Variants in LIMK2 observed in about 807,000 individuals in gnomAD.
The protein encoded by LIMK2 is LIM domain kinase 2.
In LIMK2, 35 loss-of-function variants were observed where a neutral mutation model predicts 75.7. The ratio of observed to expected loss-of-function variants is 0.46; its 90% CI spans 0.35 to 0.61. The LOEUF (loss-of-function observed/expected upper bound fraction) is 0.61. Among genes scored for constraint, LIMK2 ranks in the 20% least tolerant of loss-of-function variants. LIMK2 has a pLI of 0.00. For missense variants in LIMK2, 623 were observed against 831.0 expected (o/e 0.75, Z 3.08); for synonymous variants, 301 against 319.2 (o/e 0.94, Z 0.61).
intron 2 of LIMK2, among the ~76,000 whole-genome samples, chr22:31,227,936 A>G (rs2048493011): frequency 6.6e-6 from 1 of 152,186 alleles, no homozygotes; most frequent in African/African-American, 2.4e-5. Flanking sequence ...TGCTCAGGCC[A>G]TGGATGACAA....
chr22:31,276,800 G>A (rs372251693), intron 15 of LIMK2: 18 of 1,609,908 alleles, frequency 1.1e-5, no homozygotes, highest in Non-Finnish European at 1.5e-5. Context: ...GCCCCCCCCG[G>A]GGCCGCAGGA....
rs772419303 is a variant in LIMK2 at position 31,262,115 on chromosome 22, C to T, written c.552-19C>T. On this transcript the variant is annotated intron_variant, in intron 5 of 15. Transcript: ENST00000331728. The surrounding 1 kb of genome is among the most constrained non-coding windows in gnomAD (Gnocchi z 5.0). ...TTTTTAGGACATCTTTACCCTGCCTCAACTCTTGTCTGGCCCAGGGTCAAC... is the reference window on the plus strand; with the variant it reads ...TTTTTAGGACATCTTTACCCTGCCTTAACTCTTGTCTGGCCCAGGGTCAAC... 1.3e-5 allele frequency: 21 copies of T among 1,604,762 alleles called. No individual in the cohort carries two copies. The highest frequency in any genetic ancestry group is 1.7e-5 in the Non-Finnish European group (20 of 1,171,638).
intron 1 of LIMK2, among the ~76,000 whole-genome samples, chr22:31,223,596 T>G (rs2048454834): frequency 6.6e-6 from 1 of 152,188 alleles, no homozygotes; most frequent in African/African-American, 2.4e-5. Flanking sequence ...GAAGATTCAT[T>G]TGGATGTTTG....
chr22:31,219,065 C>G (rs1871186878), intron 1 of LIMK2, among the ~76,000 whole-genome samples: 1 of 152,190 alleles, frequency 6.6e-6, no homozygotes, highest in Non-Finnish European at 1.5e-5. Flanking sequence ...GATACCAGGC[C>G]AACCCTTCCA....
In LIMK2 at chr22:31,215,078, T is replaced by C. The variant is rs141166853; in HGVS notation, c.16+2654T>C. On this transcript the variant is annotated intron_variant, in intron 1 of 15. Coordinates refer to ENST00000331728, the MANE Select transcript of LIMK2 (RefSeq NM_005569.4). ...TCCCAAAATGCTAGGATTATAGGCG[T>C]GAGCCACCATGCCCAGCCAAGTATG... 2.6e-5 allele frequency among the ~76,000 whole-genome samples: 4 copies of C among 152,348 alleles called. No individual in the cohort carries two copies. In the East Asian group the frequency reaches 7.7e-4, roughly 29 times the overall value.
At chr22:31,234,372 T>C (rs1463980352) in intron 2 of LIMK2, among the ~76,000 whole-genome samples, 1 of 151,532 alleles carries the variant, frequency 6.6e-6, no homozygotes, top group East Asian at 1.9e-4. Flanking sequence ...CACTCTGTGT[T>C]GTCTCTCCTA....
In LIMK2 at chr22:31,278,729, C is replaced by T. The variant is rs1395825307; in HGVS notation, c.*288C>T. On this transcript the variant is annotated 3_prime_UTR_variant, in exon 16 of 16. Coordinates refer to ENST00000331728, the MANE Select transcript of LIMK2 (RefSeq NM_005569.4). Reference sequence around the variant, plus strand: ...TTTGGGCCAGGAGGAATCTGTTACTCGAATCCACCCAGGAACTCCCTGGCA... The same window carrying T: ...TTTGGGCCAGGAGGAATCTGTTACTTGAATCCACCCAGGAACTCCCTGGCA... 2 of 252,294 alleles carry T rather than the reference C, an allele frequency of 7.9e-6. No homozygotes were observed. Among genetic ancestry groups the T allele is most frequent in the African/African-American group, 2.2e-5 (1 of 44,970 alleles). 15.6% of individuals were successfully genotyped at this position (252,294 alleles called of 1,614,324 possible). A position where few individuals can be genotyped will look rare whatever the true frequency, so the allele number is the denominator to read the frequency against.
At position 31,270,477 on chromosome 22, in the gene LIMK2, G is replaced by A. The variant is rs1234208457; in HGVS notation, c.1318-659G>A. 6.6e-5 allele frequency among the ~76,000 whole-genome samples: 10 copies of A among 152,296 alleles called. No homozygotes were observed. The South Asian group carries it at 2.1e-3, about 32-fold the overall frequency. On this transcript the variant is annotated intron_variant, in intron 11 of 15. Transcript: ENST00000331728. ...TAAGGGATGAAAGTAGTATTGCAGG[G>A]GGCTGGAGAGCAAGGAGTGGCTCCT...
chr22:31,225,899 A>G (rs1234367441), intron 2 of LIMK2, 80 bp downstream of exon 2: 4 of 1,056,074 alleles, frequency 3.8e-6, no homozygotes, highest in South Asian at 1.3e-5. Flanking sequence ...AAACACAGAA[A>G]CAAGCTTCTG....
At chr22:31,225,247 G>A (rs2048468544) in intron 1 of LIMK2, among the ~76,000 whole-genome samples, 1 of 152,176 alleles carries the variant, frequency 6.6e-6, no homozygotes, top group Non-Finnish European at 1.5e-5. Flanking sequence ...CTTGGATTAG[G>A]TGATGGAAAA....
intron 8 of LIMK2, among the ~76,000 whole-genome samples, chr22:31,266,428 G>A (rs1335431840): frequency 6.6e-6 from 1 of 152,066 alleles, no homozygotes. Context: ...CTCAGTACCG[G>A]GCATGCTACA....
intron 2 of LIMK2, among the ~76,000 whole-genome samples, chr22:31,245,581 C>T: frequency 6.6e-6 from 1 of 152,082 alleles, no homozygotes; most frequent in East Asian, 1.9e-4. Context: ...GGATTACAGG[C>T]GTGAGCCACC....
rs745838610 is a variant in LIMK2, at chr22:31,258,054, G to C, written c.117-237G>C. On this transcript the variant is annotated intron_variant, in intron 2 of 15. Coordinates refer to ENST00000331728, the MANE Select transcript of LIMK2 (RefSeq NM_005569.4). The stretch of plus-strand genomic sequence containing the variant: ...CTCAGAGGGCCCCAAGACCCAAAGA[G>C]GTTATGAAACACTAGTCTGTCCACT... Among the ~76,000 whole-genome samples the C allele has an allele frequency of 5.3e-4, 81 of 152,268 alleles. 1 individual carries two copies. The highest frequency in any genetic ancestry group is 1.0e-3 in the Admixed American group (16 of 15,290).
chr22:31,229,723 C>G (rs187445450), intron 2 of LIMK2, among the ~76,000 whole-genome samples: 8 of 152,274 alleles, frequency 5.3e-5, no homozygotes, highest in Admixed American at 5.2e-4. Context: ...TGCTGGGGTC[C>G]ATCCTAAACT....
At chr22:31,248,417 G>GT in intron 2 of LIMK2, 3 of 1,415,378 alleles carry the variant, frequency 2.1e-6, no homozygotes, top group Non-Finnish European at 1.9e-6. Flanking sequence ...GAATGCCAGT[G>GT]TGTGTGTAGC....
chr22:31,246,183 G>GCACGCACA (rs1555886279), intron 2 of LIMK2, among the ~76,000 whole-genome samples: 1 of 134,994 alleles, frequency 7.4e-6, no homozygotes. Flanking sequence ...ACGCACGCAC[G>GCACGCACA]CACACACACA....
chr22:31,271,757 A>G (rs1350742126), intron 12 of LIMK2, among the ~76,000 whole-genome samples: 1 of 151,998 alleles, frequency 6.6e-6, no homozygotes, highest in East Asian at 1.9e-4. Context: ...TTCCCACATG[A>G]CTGCCCTGTA....
rs540690369 is a variant in LIMK2, at chr22:31,232,772, T to A, written c.116+6953T>A. 4.3e-3 allele frequency among the ~76,000 whole-genome samples: 652 copies of A among 152,070 alleles called. 6 individuals are homozygous for A. Among genetic ancestry groups the A allele is most frequent in the African/African-American group, 0.014 (593 of 41,482 alleles). Reference sequence around the variant, plus strand: ...CTACCATGCCCAGCTAATTTTTTTTTAATTTTTTGTAGAGACAGGGTCTTG... The same window carrying A: ...CTACCATGCCCAGCTAATTTTTTTTAAATTTTTTGTAGAGACAGGGTCTTG... On this transcript the variant is annotated intron_variant, in intron 2 of 15. Coordinates refer to ENST00000331728, the MANE Select transcript of LIMK2 (RefSeq NM_005569.4).
intron 2 of LIMK2, among the ~76,000 whole-genome samples, chr22:31,227,205 C>G (rs955387881): frequency 6.6e-6 from 1 of 152,190 alleles, no homozygotes; most frequent in Non-Finnish European, 1.5e-5. Flanking sequence ...GCAGTCCACT[C>G]CAGAGGCTGG....
Sources: allele counts gnomAD v4.1 joint callset (sites outside exome capture counted in the v4.1 genomes callset), GRCh38; gene constraint gnomAD v4.1.1; non-coding constraint Gnocchi (gnomAD v3.1); transcripts MANE v1.5; gene names NCBI Gene and HGNC (gene_info 2026-07-23, HGNC 2026-07-21).